EHHADH: variants seen among roughly 807,000 people sequenced by gnomAD.
EHHADH encodes enoyl-CoA hydratase and 3-hydroxyacyl CoA dehydrogenase.
In EHHADH, 48 loss-of-function variants were observed where a neutral mutation model predicts 64.4. That is an observed-to-expected ratio of 0.75 (90% CI 0.59 to 0.95). The LOEUF (loss-of-function observed/expected upper bound fraction) is 0.95, where lower values mean the gene tolerates loss of function less well. Among genes scored for constraint, EHHADH ranks in the 40% least tolerant of loss-of-function variants. The probability of loss-of-function intolerance (pLI) is 0.00; values close to 1 mark genes in which losing one functional copy is unlikely to be tolerated. For synonymous variants in EHHADH, 308 were observed against 326.7 expected (o/e 0.94, Z 0.62); for missense variants, 854 against 876.6 (o/e 0.97, Z 0.33).
rs78076775 is a variant in EHHADH, at chr3:185,202,904, A to G, written c.910+1512T>C. 4.9e-3 allele frequency among the ~76,000 whole-genome samples: 742 copies of G among 150,120 alleles called. 3 individuals are homozygous for G. The highest frequency in any genetic ancestry group is 0.017 in the African/African-American group (718 of 41,044). ...GCTTTTACACAAAAAGGCAAATATC[A>G]TATGTTCTCACTCATATGTGGGAGC... On this transcript the variant is annotated intron_variant, in intron 6 of 6. Coordinates refer to ENST00000231887, the MANE Select transcript of EHHADH (RefSeq NM_001966.4).
At chr3:185,244,086 C>G (rs150827162) in intron 2 of EHHADH, among the ~76,000 whole-genome samples, 322 of 152,222 alleles carry the variant, frequency 2.1e-3, no homozygotes, top group African/African-American at 7.6e-3. Context: ...TGTATTGAAC[C>G]CTTTATTATT....
chr3:185,191,285 A>G lies in EHHADH; in HGVS notation c.*941T>C, dbSNP rs1717860187. The G allele has an allele frequency of 9.3e-6, 1 of 106,954 alleles. No individual in the cohort carries two copies. Among genetic ancestry groups the G allele is most frequent in the East Asian group, 2.2e-4 (1 of 4,486 alleles). The allele number at this position is 106,954 out of a possible 1,614,324, so 6.6% of individuals were successfully genotyped here. ...TTATTTCTTTTTATGGCTGAATAAT[A>G]TAGTCCATTGTATGGATATACCAGA... On this transcript the variant is annotated 3_prime_UTR_variant, in exon 7 of 7. Coordinates refer to ENST00000231887, the MANE Select transcript of EHHADH (RefSeq NM_001966.4).
intron 3 of EHHADH, among the ~76,000 whole-genome samples, chr3:185,230,652 C>T (rs1719127127): frequency 7.9e-6 from 1 of 127,138 alleles, no homozygotes; most frequent in Non-Finnish European, 1.7e-5. Context: ...CAGGAGACCA[C>T]ATATCGTATG....
rs80267786 is a variant in EHHADH, at chr3:185,215,234, T to C, written c.568+2902A>G. ...GAAAAACTATGTCTACAAAGACTTG[T>C]GTAGGCCCAAAGTGGAAACAAACTA... On this transcript the variant is annotated intron_variant, in intron 5 of 6. Coordinates refer to ENST00000231887, the MANE Select transcript of EHHADH (RefSeq NM_001966.4). Among the ~76,000 whole-genome samples, 668 of 152,292 alleles carry C rather than the reference T, an allele frequency of 4.4e-3. 7 individuals carry two copies. Among genetic ancestry groups the C allele is most frequent in the African/African-American group, 0.015 (627 of 41,560 alleles).
intron 2 of EHHADH, chr3:185,245,762 A>G (rs56382010): frequency 1.4e-6 from 1 of 711,262 alleles, no homozygotes; most frequent in Non-Finnish European, 2.6e-6. Flanking sequence ...CTGACAATAT[A>G]ATAGTTTACA....
chr3:185,251,685 T>G (rs1193069568), intron 1 of EHHADH, among the ~76,000 whole-genome samples: 2 of 151,790 alleles, frequency 1.3e-5, no homozygotes, highest in African/African-American at 4.8e-5. Context: ...AGGAGACGAC[T>G]TCCCATATAA....
rs1311325067 is a variant in EHHADH at position 185,191,120 on chromosome 3, T to C, written c.*1106A>G. 3 of 152,196 alleles carry C rather than the reference T, an allele frequency of 2.0e-5. No homozygotes were observed. Among genetic ancestry groups the C allele is most frequent in the African/African-American group, 7.2e-5 (3 of 41,452 alleles). 9.4% of individuals were successfully genotyped at this position (152,196 alleles called of 1,614,324 possible). A position where few individuals can be genotyped will look rare whatever the true frequency, so the allele number is the denominator to read the frequency against. On this transcript the variant is annotated 3_prime_UTR_variant, in exon 7 of 7. Transcript: ENST00000231887. ...AATTCTAGCCTTAGGCAACCACTAA[T>C]GTACGGAAAGTATTTTTTGTAGAGA...
chr3:185,232,684 G>T (rs977439127), intron 3 of EHHADH, among the ~76,000 whole-genome samples: 1 of 152,200 alleles, frequency 6.6e-6, no homozygotes, highest in African/African-American at 2.4e-5. Context: ...CTGACCTCAG[G>T]TGATCCGCCT....
intron 2 of EHHADH, 44 bp from the exon 3 acceptor site, chr3:185,235,506 T>C: frequency 6.6e-7 from 1 of 1,519,282 alleles, no homozygotes; most frequent in Non-Finnish European, 8.9e-7. Context: ...GAGAAATACA[T>C]GGGCATTGTT....
chr3:185,191,920 C>T lies in EHHADH; in HGVS notation c.*306G>A. ...ATTTATCATTTATTAATTGATGACACATTTATCCAATGATAAAAGCATTTG... is the reference window on the plus strand; with the variant it reads ...ATTTATCATTTATTAATTGATGACATATTTATCCAATGATAAAAGCATTTG... On this transcript the variant is annotated 3_prime_UTR_variant, in exon 7 of 7. Coordinates refer to ENST00000231887, the MANE Select transcript of EHHADH (RefSeq NM_001966.4). 2.8e-6 allele frequency: 1 copy of T among 354,006 alleles called. No individual in the cohort carries two copies. The highest frequency in any genetic ancestry group is 4.4e-5 in the Admixed American group (1 of 22,586). 21.9% of individuals were successfully genotyped at this position (354,006 alleles called of 1,614,324 possible).
In EHHADH at chr3:185,192,179, C is replaced by A; in HGVS notation, c.*47G>T. The stretch of plus-strand genomic sequence containing the variant: ...TGATTTAATTTCACTGAAATTCAGT[C>A]AGCATTACCTGATGCTAGCATGTGA... On this transcript the variant is annotated 3_prime_UTR_variant, in exon 7 of 7. Coordinates refer to ENST00000231887, the MANE Select transcript of EHHADH (RefSeq NM_001966.4). 6.6e-7 allele frequency: 1 copy of A among 1,523,446 alleles called. No homozygotes were observed. The highest frequency in any genetic ancestry group is 1.3e-5 in the South Asian group (1 of 78,134). 94.4% of individuals were successfully genotyped at this position (1,523,446 alleles called of 1,614,324 possible).
intron 6 of EHHADH, among the ~76,000 whole-genome samples, chr3:185,197,917 C>T (rs893777612): frequency 5.3e-5 from 8 of 152,030 alleles, no homozygotes; most frequent in Admixed American, 1.3e-4. Flanking sequence ...CTGCCTCAGC[C>T]TCCCAAGTAG....
rs1718691185 is a variant in EHHADH, at chr3:185,216,808, C to T, written c.568+1328G>A. Among the ~76,000 whole-genome samples, 1 of 151,958 alleles carries T rather than the reference C, an allele frequency of 6.6e-6. No individual in the cohort carries two copies. Among genetic ancestry groups the T allele is most frequent in the East Asian group, 1.9e-4 (1 of 5,192 alleles). ...GCGGGAGACCAGCACTCTGTTCTGC[C>T]TGTAACGCAATACTCTTCCCAATTA... On this transcript the variant is annotated intron_variant, in intron 5 of 6. Coordinates refer to ENST00000231887, the MANE Select transcript of EHHADH (RefSeq NM_001966.4). This position sits in a 1 kb window ranked among gnomAD's most constrained non-coding sequence, Gnocchi z 5.3.
chr3:185,227,609 T>C (rs1719015320), intron 4 of EHHADH, among the ~76,000 whole-genome samples: 2 of 152,038 alleles, frequency 1.3e-5, no homozygotes. Flanking sequence ...GCAGATCACC[T>C]GAGGTGAGGA....
intron 2 of EHHADH, among the ~76,000 whole-genome samples, chr3:185,235,770 T>C (rs1391849942): frequency 2.0e-5 from 3 of 152,072 alleles, no homozygotes; most frequent in Non-Finnish European, 2.9e-5. Flanking sequence ...TTTAAAAAAA[T>C]TAAAAATCTC....
intron 3 of EHHADH, among the ~76,000 whole-genome samples, chr3:185,229,904 T>C (rs1031842871): frequency 6.6e-6 from 1 of 152,166 alleles, no homozygotes; most frequent in African/African-American, 2.4e-5. Context: ...GGAGAGAATA[T>C]ACATATCTTA....
chr3:185,192,500 C>T lies in EHHADH; in HGVS notation c.1898G>A (p.Arg633His), dbSNP rs576887957. 3.2e-5 allele frequency: 52 copies of T among 1,614,198 alleles called. No homozygotes were observed. The highest frequency in any genetic ancestry group is 5.3e-5 in the African/African-American group (4 of 75,050). ...AGCAGCTATCCCTTCTCCCAAGATA[C>T]GGAATGCTTCATTGATAAGTGAATA... ...CLYSLINEAF[R>H]ILGEGIAASP... Residue 633 changes from arginine to histidine, a missense_variant, in exon 7 of 7, where the codon CGT becomes CAT. By Grantham distance (29) the Arg-to-His change is conservative (BLOSUM62 0). Coordinates refer to ENST00000231887, the MANE Select transcript of EHHADH (RefSeq NM_001966.4).
intron 2 of EHHADH, 101 bp downstream of exon 2, chr3:185,248,313 A>G (rs1018056043): frequency 1.2e-6 from 1 of 863,178 alleles, no homozygotes; most frequent in African/African-American, 1.6e-5. Context: ...CATATCCATT[A>G]CCTACACTAA....
intron 6 of EHHADH, among the ~76,000 whole-genome samples, chr3:185,194,641 A>G (rs1290196228): frequency 6.6e-6 from 1 of 151,000 alleles, no homozygotes; most frequent in Non-Finnish European, 1.5e-5. Context: ...AACAACAACA[A>G]CAACAAAAAT....
Sources: allele counts gnomAD v4.1 joint callset (sites outside exome capture counted in the v4.1 genomes callset), GRCh38; gene constraint gnomAD v4.1.1; non-coding constraint Gnocchi (gnomAD v3.1); transcripts MANE v1.5; gene names NCBI Gene and HGNC (gene_info 2026-07-23, HGNC 2026-07-21).